CLOCK: variants seen among roughly 807,000 people sequenced by gnomAD.
CLOCK encodes the protein clock circadian regulator.
In CLOCK, 43 loss-of-function variants were observed where a neutral mutation model predicts 118.4. That is an observed-to-expected ratio of 0.36 (90% CI 0.28 to 0.47). The LOEUF is 0.47. Ranked by LOEUF, CLOCK falls within the 20% of genes least tolerant of loss-of-function variation. The pLI is 1.00. For synonymous variants in CLOCK, 326 were observed against 339.2 expected (o/e 0.96, Z 0.43); for missense variants, 846 against 999.9 (o/e 0.85, Z 2.08).
chr4:55,464,070 A>G (rs905771723), intron 8 of CLOCK, among the ~76,000 whole-genome samples: 2 of 152,208 alleles, frequency 1.3e-5, no homozygotes, highest in Non-Finnish European at 2.9e-5. Context: ...TTCAAAATAC[A>G]ACGGGACCAA....
At chr4:55,538,159 A>AAT in intron 1 of CLOCK, among the ~76,000 whole-genome samples, 1 of 152,362 alleles carries the variant, frequency 6.6e-6, no homozygotes, top group South Asian at 2.1e-4. Flanking sequence ...TTAAAAGAAC[A>AAT]ATAATAGAGT....
intron 2 of CLOCK, among the ~76,000 whole-genome samples, chr4:55,506,150 T>A (rs975380995): frequency 1.3e-5 from 2 of 152,200 alleles, no homozygotes; most frequent in African/African-American, 4.8e-5. Context: ...GGTCATGTAC[T>A]GCATTTAGCT....
chr4:55,434,068 T>G lies in CLOCK; in HGVS notation c.*1347A>C, dbSNP rs576026322. On this transcript the variant is annotated 3_prime_UTR_variant, in exon 23 of 23. Coordinates refer to ENST00000513440, the MANE Select transcript of CLOCK (RefSeq NM_004898.4). ...CTCCAGTCCAAGAGACTGATAGCAGTCTTCAGAGGAACTTATTAGGAGACT... is the reference window on the plus strand; with the variant it reads ...CTCCAGTCCAAGAGACTGATAGCAGGCTTCAGAGGAACTTATTAGGAGACT... The G allele has an allele frequency of 2.0e-5, 3 of 152,772 alleles. No homozygotes were observed. The highest frequency in any genetic ancestry group is 7.2e-5 in the African/African-American group (3 of 41,580). 9.5% of individuals were successfully genotyped at this position (152,772 alleles called of 1,614,324 possible).
chr4:55,478,790 C>A, intron 6 of CLOCK, 25 bp downstream of exon 6: 1 of 1,606,736 alleles, frequency 6.2e-7, no homozygotes, highest in South Asian at 1.1e-5. Context: ...AGAGTCTGTT[C>A]CATTTTACAG....
chr4:55,495,530 ACT>A (rs149369790), intron 2 of CLOCK, among the ~76,000 whole-genome samples: 2,279 of 151,990 alleles, frequency 0.015, 58 homozygotes, highest in African/African-American at 0.053. Context: ...CTTAGCTTTG[ACT>A]CTCATGCCAC....
chr4:55,459,880 G>A (rs1466018112), intron 9 of CLOCK, among the ~76,000 whole-genome samples: 1 of 152,118 alleles, frequency 6.6e-6, no homozygotes, highest in Non-Finnish European at 1.5e-5. Flanking sequence ...CAGGCTGGTT[G>A]CAAGCTTCTA....
At chr4:55,438,953 T>A (rs2109652729) in intron 21 of CLOCK, among the ~76,000 whole-genome samples, 1 of 152,292 alleles carries the variant, frequency 6.6e-6, no homozygotes, top group East Asian at 1.9e-4. Flanking sequence ...TAGCAATAAT[T>A]TCTTGGATAT....
chr4:55,451,566 C>G (rs927283814), intron 15 of CLOCK, among the ~76,000 whole-genome samples: 3 of 152,134 alleles, frequency 2.0e-5, no homozygotes, highest in Non-Finnish European at 4.4e-5. Flanking sequence ...CCAGGGGGAT[C>G]ATGATGCTGG....
intron 1 of CLOCK, among the ~76,000 whole-genome samples, chr4:55,528,420 CT>C (rs774727033): frequency 7.2e-5 from 11 of 152,092 alleles, no homozygotes; most frequent in Non-Finnish European, 1.5e-4. Flanking sequence ...TCATCCCCCC[CT>C]CACTGCCTTA....
chr4:55,519,406 G>T (rs1475386652), intron 1 of CLOCK, among the ~76,000 whole-genome samples: 4 of 152,122 alleles, frequency 2.6e-5, no homozygotes, highest in Admixed American at 1.3e-4. Context: ...AGCAGGGCTT[G>T]TAATTCTCTT....
intron 1 of CLOCK, among the ~76,000 whole-genome samples, chr4:55,517,848 A>C (rs1729612310): frequency 6.6e-6 from 1 of 152,148 alleles, no homozygotes. Flanking sequence ...TGGGAGTATA[A>C]ATTGATATAA....
rs34401111 is a variant in CLOCK at position 55,458,985 on chromosome 4, A to G, written c.699T>C (p.Phe233=). The G allele has an allele frequency of 2.5e-3, 4,105 of 1,613,848 alleles. 101 individuals carry two copies. In the African/African-American group the frequency reaches 0.049, roughly 19 times the overall value. Residue 233 remains phenylalanine (F), a synonymous_variant, in exon 11 of 23, where the codon TTT becomes TTC. Transcript: ENST00000513440. ...NSVSSSAHNG[F]EGTIQRTHRP... is the part of the protein sequence containing the mutation. ...TATGTGTGCGTTGTATAGTTCCTTCAAAACCATTGTGTGCTGAAGAGGATA... is the reference window on the plus strand; with the variant it reads ...TATGTGTGCGTTGTATAGTTCCTTCGAAACCATTGTGTGCTGAAGAGGATA...
chr4:55,500,407 G>T (rs1326048624), intron 2 of CLOCK, among the ~76,000 whole-genome samples: 3 of 152,134 alleles, frequency 2.0e-5, no homozygotes, highest in Non-Finnish European at 4.4e-5. Flanking sequence ...GCAGTGGTGT[G>T]AACACAGCTC....
In CLOCK at chr4:55,442,645, TAAAG is replaced by T. The variant is rs1560415568; in HGVS notation, c.1903-15_1903-12del. 13 of 1,605,954 alleles carry T rather than the reference TAAAG, an allele frequency of 8.1e-6. No homozygotes were observed. The highest frequency in any genetic ancestry group is 1.0e-5 in the Non-Finnish European group (12 of 1,173,344). On this transcript the variant is annotated splice_polypyrimidine_tract_variant and intron_variant, in intron 20 of 22. Coordinates refer to ENST00000513440, the MANE Select transcript of CLOCK (RefSeq NM_004898.4). ...TACATTTTGTTGACTCTGTTAAAAA[TAAAG>T]AGATTTTATAGACAGATTAACTGAA...
chr4:55,451,360 CT>C (rs1205613399), intron 15 of CLOCK, among the ~76,000 whole-genome samples: 1 of 152,184 alleles, frequency 6.6e-6, no homozygotes, highest in African/African-American at 2.4e-5. Context: ...TTCTAAGTAA[CT>C]TCCTGGTTTT....
chr4:55,480,390 G>A (rs1320668009), intron 4 of CLOCK, among the ~76,000 whole-genome samples: 1 of 152,154 alleles, frequency 6.6e-6, no homozygotes. Flanking sequence ...TCAGCCTGCT[G>A]AGTAGCTGGG....
intron 8 of CLOCK, among the ~76,000 whole-genome samples, chr4:55,470,127 G>T (rs1411326487): frequency 1.3e-5 from 2 of 152,084 alleles, no homozygotes; most frequent in Admixed American, 1.3e-4. Flanking sequence ...AGTCTATAAA[G>T]GTGTACAGTA....
intron 1 of CLOCK, among the ~76,000 whole-genome samples, chr4:55,524,903 T>C (rs1453850008): frequency 6.6e-6 from 1 of 151,466 alleles, no homozygotes; most frequent in Non-Finnish European, 1.5e-5. Flanking sequence ...TCCAGAAAGA[T>C]GATGTAATAC....
At chr4:55,439,599 G>A (rs1723180651) in intron 21 of CLOCK, among the ~76,000 whole-genome samples, 1 of 152,182 alleles carries the variant, frequency 6.6e-6, no homozygotes, top group African/African-American at 2.4e-5. Context: ...GAGCCAAAAA[G>A]TGGAAGTAAC....
Sources: gnomAD v4.1 joint callset for allele counts (sites outside exome capture counted in the v4.1 genomes callset) on GRCh38, gnomAD v4.1.1 for gene constraint, MANE v1.5 for transcripts, NCBI Gene and HGNC (gene_info 2026-07-23, HGNC 2026-07-21) for gene names.